PLXDC2: variants seen among roughly 807,000 people sequenced by gnomAD.
The protein encoded by PLXDC2 is plexin domain-containing protein 2.
A neutral mutation model predicts 68.9 loss-of-function variants in PLXDC2; 40 were observed. The observed-to-expected ratio is 0.58, with a 90% CI of 0.45 to 0.76. The LOEUF (loss-of-function observed/expected upper bound fraction) is 0.76, where lower values mean the gene tolerates loss of function less well. Among genes scored for constraint, PLXDC2 ranks in the 30% least tolerant of loss-of-function variants. PLXDC2 has a pLI of 0.00. For missense variants in PLXDC2, 644 were observed against 661.9 expected (o/e 0.97, Z 0.30); for synonymous variants, 243 against 234.2 (o/e 1.04, Z -0.34).
At chr10:19,906,051 T>C (rs1006085702) in intron 1 of PLXDC2, among the ~76,000 whole-genome samples, 2 of 151,486 alleles carry the variant, frequency 1.3e-5, no homozygotes, top group African/African-American at 4.8e-5. Flanking sequence ...ATTCTAGTGA[T>C]GTGAAACAGA....
intron 10 of PLXDC2, among the ~76,000 whole-genome samples, chr10:20,214,114 G>C (rs910363540): frequency 1.1e-4 from 16 of 151,988 alleles, no homozygotes; most frequent in African/African-American, 3.9e-4. Context: ...CATCTGCCAA[G>C]TATTTTATAG....
chr10:19,830,715 C>CT (rs565104391), intron 1 of PLXDC2, among the ~76,000 whole-genome samples: 307 of 151,066 alleles, frequency 2.0e-3, no homozygotes, highest in African/African-American at 6.9e-3. Context: ...TGGTCTTTCT[C>CT]TAACTATGCT....
chr10:19,936,313 T>G (rs1564633183), intron 1 of PLXDC2, among the ~76,000 whole-genome samples: 1 of 152,166 alleles, frequency 6.6e-6, no homozygotes, highest in East Asian at 1.9e-4. Flanking sequence ...GTCTGCTTTA[T>G]GCTTTATGTC....
intron 1 of PLXDC2, among the ~76,000 whole-genome samples, chr10:19,914,428 C>T (rs1833330899): frequency 1.3e-5 from 2 of 152,228 alleles, no homozygotes; most frequent in South Asian, 4.1e-4. Flanking sequence ...TTTAAAGTTA[C>T]TTAGAATCTG....
chr10:20,097,443 T>A (rs766310110), intron 4 of PLXDC2, among the ~76,000 whole-genome samples: 53 of 152,230 alleles, frequency 3.5e-4, no homozygotes, highest in Non-Finnish European at 6.6e-4. Context: ...ACTATTACTA[T>A]TTTAACTTGT....
In PLXDC2 at chr10:19,979,889, G is replaced by C. The variant is rs577719769; in HGVS notation, c.113-21886G>C. ...GAAATGACTAAGCCCAGATAATTCAGACTGATCTGGGAGCCTGGCATTCTG... is the reference window on the plus strand; with the variant it reads ...GAAATGACTAAGCCCAGATAATTCACACTGATCTGGGAGCCTGGCATTCTG... On this transcript the variant is annotated intron_variant, in intron 1 of 13. Transcript: ENST00000377252. 4.2e-4 allele frequency among the ~76,000 whole-genome samples: 64 copies of C among 152,328 alleles called. 1 individual carries two copies. The Middle Eastern group carries it at 0.01, about 24-fold the overall frequency.
chr10:20,169,924 G>A (rs1564340646), intron 7 of PLXDC2, among the ~76,000 whole-genome samples: 1 of 151,958 alleles, frequency 6.6e-6, no homozygotes, highest in Non-Finnish European at 1.5e-5. Flanking sequence ...ACATTATTTG[G>A]TACTTTCTTA....
chr10:19,994,249 TCTC>T (rs1257115332), intron 1 of PLXDC2, among the ~76,000 whole-genome samples: 5 of 118,548 alleles, frequency 4.2e-5, no homozygotes, highest in Non-Finnish European at 7.2e-5. Flanking sequence ...CCCATTGTAT[TCTC>T]CTTTTTTTTT....
At chr10:20,163,634 A>T (rs975940014) in intron 6 of PLXDC2, among the ~76,000 whole-genome samples, 1 of 152,020 alleles carries the variant, frequency 6.6e-6, no homozygotes, top group Non-Finnish European at 1.5e-5. Context: ...TTTATTGAAG[A>T]TGGTTTCATT....
At chr10:19,861,247 C>T (rs2131335064) in intron 1 of PLXDC2, among the ~76,000 whole-genome samples, 1 of 152,058 alleles carries the variant, frequency 6.6e-6, no homozygotes, top group Non-Finnish European at 1.5e-5. Context: ...GTTGGCCAGG[C>T]TGGTCTAGGA....
chr10:20,127,478 C>T (rs1386906166), intron 4 of PLXDC2, among the ~76,000 whole-genome samples: 1 of 152,118 alleles, frequency 6.6e-6, no homozygotes, highest in African/African-American at 2.4e-5. Context: ...GGATATTCTC[C>T]TGCTATGTAA....
chr10:20,179,384 G>GA lies in PLXDC2; in HGVS notation c.1061+1982dup, dbSNP rs1195983581. 5.4e-4 allele frequency among the ~76,000 whole-genome samples: 82 copies of GA among 151,946 alleles called. 2 individuals are homozygous for GA. The highest frequency in any genetic ancestry group is 5.3e-3 in the Admixed American group (81 of 15,226). On this transcript the variant is annotated intron_variant, in intron 9 of 13. Transcript: ENST00000377252. ...GCCTAAGAACATACCTGGGACTGCA[G>GA]AAAAAAATGGATGAACAAAGGAATA...
chr10:20,256,546 G>A (rs747755742), intron 13 of PLXDC2, among the ~76,000 whole-genome samples: 15 of 152,026 alleles, frequency 9.9e-5, no homozygotes, highest in Non-Finnish European at 1.8e-4. Context: ...TTTTACAAAA[G>A]TAAAATAAAT....
chr10:19,852,106 T>C (rs902027024), intron 1 of PLXDC2, among the ~76,000 whole-genome samples: 1 of 152,104 alleles, frequency 6.6e-6, no homozygotes, highest in Non-Finnish European at 1.5e-5. Context: ...GGATCTGCAT[T>C]GTAAACCATT....
chr10:20,035,021 G>T (rs1835556202), intron 2 of PLXDC2, among the ~76,000 whole-genome samples: 1 of 152,214 alleles, frequency 6.6e-6, no homozygotes, highest in Non-Finnish European at 1.5e-5. Context: ...TAACAAAGGT[G>T]ATGTCTAATA....
intron 1 of PLXDC2, among the ~76,000 whole-genome samples, chr10:19,868,515 G>A (rs1050256938): frequency 6.6e-6 from 1 of 152,132 alleles, no homozygotes; most frequent in Non-Finnish European, 1.5e-5. Flanking sequence ...AAAATGTAAT[G>A]TAGTTTATTC....
chr10:20,158,955 C>T (rs1160207170), intron 6 of PLXDC2, among the ~76,000 whole-genome samples: 1 of 152,068 alleles, frequency 6.6e-6, no homozygotes, highest in Non-Finnish European at 1.5e-5. Flanking sequence ...TTCATAAAAG[C>T]CTTGGGTGGC....
chr10:20,235,964 T>A (rs985221692), intron 12 of PLXDC2, among the ~76,000 whole-genome samples: 12 of 152,084 alleles, frequency 7.9e-5, no homozygotes, highest in Non-Finnish European at 1.5e-4. Flanking sequence ...CTCTACTAAG[T>A]TTTTTGTGTA....
In PLXDC2 at chr10:19,912,208, T is replaced by G. The variant is rs192225137; in HGVS notation, c.113-89567T>G. Among the ~76,000 whole-genome samples, 391 of 150,894 alleles carry G rather than the reference T, an allele frequency of 2.6e-3. 3 individuals carry two copies. The South Asian group carries it at 0.028, about 11-fold the overall frequency. ...CTGCTGAATGCTTTATCTTAGTGGG[T>G]TTTTTTTGCCTGTTTTTCTATAAGC... On this transcript the variant is annotated intron_variant, in intron 1 of 13. Transcript: ENST00000377252.
Sources: gnomAD v4.1 joint callset for allele counts (sites outside exome capture counted in the v4.1 genomes callset) on GRCh38, gnomAD v4.1.1 for gene constraint, MANE v1.5 for transcripts, NCBI Gene and HGNC (gene_info 2026-07-23, HGNC 2026-07-21) for gene names.